The following PLD5 variants were observed in gnomAD, a reference collection of about 807,000 sequenced individuals.
PLD5 encodes inactive phospholipase D5.
A neutral mutation model predicts 61.1 loss-of-function variants in PLD5; 36 were observed. That is an observed-to-expected ratio of 0.59 (90% CI 0.45 to 0.78). PLD5 has a LOEUF of 0.78. Among genes scored for constraint, PLD5 ranks in the 30% least tolerant of loss-of-function variants. The probability of loss-of-function intolerance (pLI) is 0.00; values close to 1 mark genes in which losing one functional copy is unlikely to be tolerated. For synonymous variants in PLD5, 243 were observed against 242.8 expected (o/e 1.00, Z -0.01); for missense variants, 515 against 644.4 (o/e 0.80, Z 2.17).
rs139426601 is a variant in PLD5, at chr1:242,313,040, C to T, written c.327-24510G>A. Among the ~76,000 whole-genome samples, 425 of 152,316 alleles carry T rather than the reference C, an allele frequency of 2.8e-3. 3 individuals are homozygous for T. Among genetic ancestry groups the T allele is most frequent in the African/African-American group, 9.7e-3 (402 of 41,554 alleles). Reference sequence around the variant, plus strand: ...AGCTTCTTCCTTATCGTACCCACTACACAGGGTTTTCCAGATGATTAAATG... The same window carrying T: ...AGCTTCTTCCTTATCGTACCCACTATACAGGGTTTTCCAGATGATTAAATG... On this transcript the variant is annotated intron_variant, in intron 2 of 9. Coordinates refer to ENST00000536534, the MANE Select transcript of PLD5 (RefSeq NM_001372062.1).
intron 5 of PLD5, chr1:242,147,610 C>A (rs1457931287): frequency 1.3e-5 from 2 of 152,168 alleles, no homozygotes; most frequent in African/African-American, 4.8e-5. Flanking sequence ...TGTGTCTGCA[C>A]CATTTCCATT....
chr1:242,280,227 A>G (rs987523437), intron 3 of PLD5, among the ~76,000 whole-genome samples: 2 of 152,232 alleles, frequency 1.3e-5, no homozygotes, highest in Admixed American at 1.3e-4. Flanking sequence ...CAATGTGACC[A>G]CAACTACTAA....
chr1:242,110,255 G>T (rs1035439395), intron 7 of PLD5, among the ~76,000 whole-genome samples: 11 of 151,900 alleles, frequency 7.2e-5, no homozygotes, highest in Non-Finnish European at 1.6e-4. Context: ...AAATGTCAGG[G>T]CCAAGGGGAG....
At chr1:242,190,138 CTTTTTTTT>C (rs902616187) in intron 5 of PLD5, among the ~76,000 whole-genome samples, 1 of 74,382 alleles carries the variant, frequency 1.3e-5, no homozygotes, top group Non-Finnish European at 2.3e-5. Context: ...GACAGGACTC[CTTTTTTTT>C]TTTTTTTTTT....
At chr1:242,195,541 A>G (rs549990934) in intron 5 of PLD5, among the ~76,000 whole-genome samples, 1 of 152,216 alleles carries the variant, frequency 6.6e-6, no homozygotes, top group Non-Finnish European at 1.5e-5. Context: ...AAATAACTTG[A>G]AAATAAAAAC....
chr1:242,114,342 TTCATA>T (rs1267861736), intron 6 of PLD5, among the ~76,000 whole-genome samples: 1 of 152,224 alleles, frequency 6.6e-6, no homozygotes, highest in Non-Finnish European at 1.5e-5. Flanking sequence ...AGTGATGTGA[TTCATA>T]TAATGTATAG....
At chr1:242,153,738 C>T (rs1665125866) in intron 5 of PLD5, among the ~76,000 whole-genome samples, 1 of 152,124 alleles carries the variant, frequency 6.6e-6, no homozygotes, top group Non-Finnish European at 1.5e-5. Context: ...CAGTACCATG[C>T]TGTTTTGGTT....
chr1:242,467,905 G>C (rs1667325927), intron 1 of PLD5, among the ~76,000 whole-genome samples: 4 of 152,004 alleles, frequency 2.6e-5, no homozygotes, highest in Admixed American at 2.6e-4. Context: ...CCCTTCCACT[G>C]TGCCCCCAGT....
At chr1:242,221,930 A>G (rs1279222832) in intron 4 of PLD5, among the ~76,000 whole-genome samples, 1 of 152,154 alleles carries the variant, frequency 6.6e-6, no homozygotes, top group Admixed American at 6.5e-5. Flanking sequence ...GGATGACTTA[A>G]AACAGCAGAA....
chr1:242,249,942 T>C (rs1161930457), intron 4 of PLD5, among the ~76,000 whole-genome samples: 1 of 152,216 alleles, frequency 6.6e-6, no homozygotes, highest in Non-Finnish European at 1.5e-5. Context: ...AAAATGCTCG[T>C]ACCATCAATT....
At chr1:242,489,294 G>T (rs926913793) in intron 1 of PLD5, among the ~76,000 whole-genome samples, 8 of 151,880 alleles carry the variant, frequency 5.3e-5, no homozygotes, top group Non-Finnish European at 1.0e-4. Flanking sequence ...TGAGATGTTG[G>T]TAATATGAAT....
At chr1:242,196,595 C>T (rs924038969) in intron 5 of PLD5, among the ~76,000 whole-genome samples, 10 of 152,170 alleles carry the variant, frequency 6.6e-5, no homozygotes, top group African/African-American at 9.7e-5. Flanking sequence ...TACATGTACA[C>T]ACACATATAT....
chr1:242,498,271 T>C (rs993668475), intron 1 of PLD5, among the ~76,000 whole-genome samples: 5 of 152,214 alleles, frequency 3.3e-5, no homozygotes, highest in African/African-American at 1.2e-4. Flanking sequence ...CCTCTTCAAT[T>C]TATTTTTATG....
intron 4 of PLD5, 140 bp from the exon 5 acceptor site, chr1:242,220,255 G>C: frequency 9.3e-7 from 1 of 1,078,066 alleles, no homozygotes; most frequent in South Asian, 1.7e-5. Flanking sequence ...TGTTAGTTTG[G>C]TGGAGAGAAG....
Position 242,524,130 on chromosome 1 carries a change from G to A in PLD5, c.147C>T (p.Tyr49=). Residue 49 remains tyrosine, a synonymous_variant, in exon 1 of 10, where the codon TAC becomes TAT. Transcript: ENST00000536534. The part of the protein sequence containing the change: ...NFYSSVKQQD[Y]SASVWLRRKD... ...TCCTCCGAAGCCAGACGCTGGCGCT[G>A]TAGTCCTGCTGCTTGACGCTGCTGT... 3 of 1,535,436 alleles carry A rather than the reference G, an allele frequency of 2.0e-6. No homozygotes were observed. Among genetic ancestry groups the A allele is most frequent in the Non-Finnish European group, 2.6e-6 (3 of 1,146,498 alleles).
chr1:242,252,940 C>T lies in PLD5; in HGVS notation c.607+12397G>A, dbSNP rs1008776555. Among the ~76,000 whole-genome samples, 170 of 151,496 alleles carry T rather than the reference C, an allele frequency of 1.1e-3. 1 individual carries two copies. The highest frequency in any genetic ancestry group is 2.4e-4 in the Non-Finnish European group (16 of 67,912). On this transcript the variant is annotated intron_variant, in intron 4 of 9. Transcript: ENST00000536534. The stretch of plus-strand genomic sequence containing the variant: ...CAAACAGTTCTCCTGCCTCAGCCTC[C>T]CGAGTAGCTGGGATTACAGGTGCAC...
chr1:242,439,085 C>T lies in PLD5; in HGVS notation c.189+85003G>A, dbSNP rs1666151401. On this transcript the variant is annotated intron_variant, in intron 1 of 9. Transcript: ENST00000536534. ...TAGTTCCTGGATTGCCACTGTATCC[C>T]CACCACCTGGCATAGCGCTTAAGAG... is the stretch of plus-strand genomic sequence containing the variant. Among the ~76,000 whole-genome samples the T allele has an allele frequency of 6.6e-5, 10 of 152,224 alleles. No homozygotes were observed. In the South Asian group the frequency reaches 2.1e-3, roughly 32 times the overall value.
rs142299131 is a variant in PLD5 at position 242,251,862 on chromosome 1, T to C, written c.607+13475A>G. On this transcript the variant is annotated intron_variant, in intron 4 of 9. Coordinates refer to ENST00000536534, the MANE Select transcript of PLD5 (RefSeq NM_001372062.1). ...GTTAGCCTTGGAAGAGAATCAGAGA[T>C]AACCTCCTGAGGTTGAAGGAAAGGA... 7.0e-4 allele frequency among the ~76,000 whole-genome samples: 106 copies of C among 152,250 alleles called. No individual in the cohort carries two copies. In the East Asian group the frequency reaches 0.017, roughly 25 times the overall value.
intron 1 of PLD5, among the ~76,000 whole-genome samples, chr1:242,468,355 T>C (rs1035507871): frequency 6.6e-6 from 1 of 152,162 alleles, no homozygotes; most frequent in Non-Finnish European, 1.5e-5. Flanking sequence ...GCCAGATACG[T>C]AAATTATCCT....
Sources: allele counts gnomAD v4.1 joint callset (sites outside exome capture counted in the v4.1 genomes callset), GRCh38; gene constraint gnomAD v4.1.1; transcripts MANE v1.5; gene names NCBI Gene and HGNC (gene_info 2026-07-23, HGNC 2026-07-21).